Variants in RIT2 observed in about 807,000 individuals in gnomAD.
RIT2 encodes Ras like without CAAX 2, also known as GTP-binding protein Rit2.
In RIT2, 24 loss-of-function variants were observed where a neutral mutation model predicts 23.7. That is an observed-to-expected ratio of 1.01 (90% CI 0.73 to 1.43). The LOEUF is 1.43. RIT2 is among the 40% of genes most tolerant of loss of function. RIT2 has a pLI of 0.00. For missense variants in RIT2, 236 were observed against 266.9 expected (o/e 0.88, Z 0.81); for synonymous variants, 107 against 91.1 (o/e 1.17, Z -0.99).
At chr18:43,004,541 G>A (rs1349606092) in intron 2 of RIT2, among the ~76,000 whole-genome samples, 1 of 151,814 alleles carries the variant, frequency 6.6e-6, no homozygotes, top group Non-Finnish European at 1.5e-5. Context: ...CTACTGGGAG[G>A]CCTCAAATGC....
chr18:42,891,281 T>C (rs758516909), intron 4 of RIT2, among the ~76,000 whole-genome samples: 11 of 152,158 alleles, frequency 7.2e-5, no homozygotes, highest in Non-Finnish European at 1.5e-4. Context: ...CATCAAACCA[T>C]CTAGATATTC....
At chr18:43,003,654 G>A (rs977090702) in intron 2 of RIT2, among the ~76,000 whole-genome samples, 3 of 151,596 alleles carry the variant, frequency 2.0e-5, no homozygotes, top group Non-Finnish European at 4.4e-5. Flanking sequence ...AACCTGTTCT[G>A]CTCATCCAGC....
intron 1 of RIT2, among the ~76,000 whole-genome samples, chr18:43,075,120 ATTAT>A (rs1441807783): frequency 3.3e-5 from 5 of 152,154 alleles, no homozygotes; most frequent in Admixed American, 3.3e-4. Flanking sequence ...TGTGTCTTAA[ATTAT>A]TTATTATTTT....
At position 42,997,565 on chromosome 18, in the gene RIT2, G is replaced by A. The variant is rs572643965; in HGVS notation, c.161-23418C>T. Among the ~76,000 whole-genome samples, 378 of 152,024 alleles carry A rather than the reference G, an allele frequency of 2.5e-3. 1 individual carries two copies. The highest frequency in any genetic ancestry group is 8.6e-3 in the African/African-American group (355 of 41,478). ...CCTTGTTTCATATTTTAATGCCAGAGAGACACAGCTAATGATGCTAATCTC... is the reference window on the plus strand; with the variant it reads ...CCTTGTTTCATATTTTAATGCCAGAAAGACACAGCTAATGATGCTAATCTC... On this transcript the variant is annotated intron_variant, in intron 2 of 4. Coordinates refer to ENST00000326695, the MANE Select transcript of RIT2 (RefSeq NM_002930.4).
chr18:42,929,034 G>GAGATATATATATATATATAT lies in RIT2; in HGVS notation c.235-5272_235-5271insATATATATATATATATATCT, dbSNP rs1555647353. Among the ~76,000 whole-genome samples, 5 of 96,946 alleles carry GAGATATATATATATATATAT rather than the reference G, an allele frequency of 5.2e-5. 1 individual carries two copies. The highest frequency in any genetic ancestry group is 3.8e-4 in the Admixed American group (3 of 7,824). 63.6% of individuals were successfully genotyped at this position (96,946 alleles called of 152,430 possible). On this transcript the variant is annotated intron_variant, in intron 3 of 4. Transcript: ENST00000326695. ...ACATATACTAAAACTAAAATATGGA[G>GAGATATATATATATATATAT]ATATATATATATATATATATATATT...
In RIT2 at chr18:42,829,841, G is replaced by A. The variant is rs72905023; in HGVS notation, c.427-86121C>T. Among the ~76,000 whole-genome samples the A allele has an allele frequency of 6.2e-3, 939 of 152,184 alleles. 10 individuals are homozygous for A. Among genetic ancestry groups the A allele is most frequent in the Non-Finnish European group, 9.6e-3 (654 of 67,988 alleles). On this transcript the variant is annotated intron_variant, in intron 4 of 4. Coordinates refer to ENST00000326695, the MANE Select transcript of RIT2 (RefSeq NM_002930.4). ...CATATAAAAGATACGTTATAATTTA[G>A]AGGATTAAAAGAACAGGAAATAAAT...
chr18:42,805,700 T>C (rs770737672), intron 4 of RIT2, among the ~76,000 whole-genome samples: 3 of 152,176 alleles, frequency 2.0e-5, no homozygotes, highest in Non-Finnish European at 2.9e-5. Flanking sequence ...ATCACACTTA[T>C]TGATGTCACT....
chr18:42,960,642 A>G (rs940840407), intron 3 of RIT2, among the ~76,000 whole-genome samples: 16 of 152,082 alleles, frequency 1.1e-4, no homozygotes, highest in Admixed American at 9.2e-4. Context: ...AGTACTCCTC[A>G]ATGATCATGA....
At chr18:42,810,577 A>G (rs1227950478) in intron 4 of RIT2, among the ~76,000 whole-genome samples, 1 of 151,994 alleles carries the variant, frequency 6.6e-6, no homozygotes, top group East Asian at 1.9e-4. Flanking sequence ...TAGAGAGGCT[A>G]TTCTCTGCAA....
chr18:42,960,503 C>T (rs746603620), intron 3 of RIT2, among the ~76,000 whole-genome samples: 4 of 152,068 alleles, frequency 2.6e-5, no homozygotes, highest in East Asian at 3.9e-4. Flanking sequence ...TTAGTAGAGA[C>T]GGGGTTTCAC....
rs1293114429 is a variant in RIT2, at chr18:42,997,487, A to T, written c.161-23340T>A. On this transcript the variant is annotated intron_variant, in intron 2 of 4. Coordinates refer to ENST00000326695, the MANE Select transcript of RIT2 (RefSeq NM_002930.4). Reference sequence around the variant, plus strand: ...GAAGAAGGGGGAGGGAGGGAGGAAGAAAAAAAGGAAGACAGGAAACTGACT... The same window carrying T: ...GAAGAAGGGGGAGGGAGGGAGGAAGTAAAAAAGGAAGACAGGAAACTGACT... Among the ~76,000 whole-genome samples the T allele has an allele frequency of 2.0e-5, 3 of 151,724 alleles. No individual in the cohort carries two copies. In the East Asian group the frequency reaches 5.8e-4, roughly 29 times the overall value.
chr18:42,891,552 AT>A (rs1908175957), intron 4 of RIT2, among the ~76,000 whole-genome samples: 2 of 152,136 alleles, frequency 1.3e-5, no homozygotes, highest in Non-Finnish European at 2.9e-5. Context: ...ACAGTGGAAT[AT>A]TTTTCAGCAT....
intron 4 of RIT2, among the ~76,000 whole-genome samples, chr18:42,806,620 C>A (rs931586496): frequency 1.3e-5 from 2 of 152,166 alleles, no homozygotes; most frequent in African/African-American, 2.4e-5. Flanking sequence ...TTTGCTTTTA[C>A]ATAATCAGTG....
intron 4 of RIT2, among the ~76,000 whole-genome samples, chr18:42,900,313 G>C (rs1174476253): frequency 6.6e-6 from 1 of 151,922 alleles, no homozygotes; most frequent in Non-Finnish European, 1.5e-5. Flanking sequence ...TAATGTCTCT[G>C]GGGCTTTTCA....
At chr18:42,960,551 G>C (rs1910073045) in intron 3 of RIT2, among the ~76,000 whole-genome samples, 1 of 152,062 alleles carries the variant, frequency 6.6e-6, no homozygotes. Flanking sequence ...CTGACCTCAG[G>C]TGATCCACCC....
In RIT2 at chr18:42,905,654, G is replaced by A. The variant is rs537223228; in HGVS notation, c.426+17918C>T. On this transcript the variant is annotated intron_variant, in intron 4 of 4. Coordinates refer to ENST00000326695, the MANE Select transcript of RIT2 (RefSeq NM_002930.4). ...TGCCTGGCTAATTTTTGTGTTTTTAGTGGAGATGGGGTTTCACCATGTTGG... is the reference window on the plus strand; with the variant it reads ...TGCCTGGCTAATTTTTGTGTTTTTAATGGAGATGGGGTTTCACCATGTTGG... 2.6e-5 allele frequency among the ~76,000 whole-genome samples: 4 copies of A among 152,144 alleles called. No individual in the cohort carries two copies. The South Asian group carries it at 8.3e-4, about 32-fold the overall frequency.
At chr18:42,987,817 T>A (rs1910747225) in intron 2 of RIT2, among the ~76,000 whole-genome samples, 1 of 151,704 alleles carries the variant, frequency 6.6e-6, no homozygotes, top group South Asian at 2.1e-4. Flanking sequence ...TGGCAAAAGG[T>A]GAAGTGGAGT....
At chr18:42,847,609 A>C (rs1331527369) in intron 4 of RIT2, among the ~76,000 whole-genome samples, 2 of 152,024 alleles carry the variant, frequency 1.3e-5, no homozygotes, top group Non-Finnish European at 2.9e-5. Flanking sequence ...ATATAACCAT[A>C]ATTTCTAATC....
rs529222416 is a variant in RIT2 at position 42,916,509 on chromosome 18, G to A, written c.426+7063C>T. Among the ~76,000 whole-genome samples the A allele has an allele frequency of 2.6e-5, 4 of 152,230 alleles. No individual in the cohort carries two copies. In the South Asian group the frequency reaches 8.3e-4, roughly 32 times the overall value. On this transcript the variant is annotated intron_variant, in intron 4 of 4. Coordinates refer to ENST00000326695, the MANE Select transcript of RIT2 (RefSeq NM_002930.4). Reference sequence around the variant, plus strand: ...TCAAATTTAATTTTGCAAAATCCATGTGCGGAAGCCTATATCAGAAAGCTC... The same window carrying A: ...TCAAATTTAATTTTGCAAAATCCATATGCGGAAGCCTATATCAGAAAGCTC...
Sources: gnomAD v4.1 joint callset for allele counts (sites outside exome capture counted in the v4.1 genomes callset) on GRCh38, gnomAD v4.1.1 for gene constraint, MANE v1.5 for transcripts, NCBI Gene and HGNC (gene_info 2026-07-23, HGNC 2026-07-21) for gene names.